Variants in CD47 observed in about 807,000 individuals in gnomAD.
The protein encoded by CD47 is leukocyte surface antigen CD47.
CD47 carries 11 observed loss-of-function variants against 44.6 expected under a neutral mutation model. That is an observed-to-expected ratio of 0.25 (90% CI 0.16 to 0.41). The LOEUF (loss-of-function observed/expected upper bound fraction) is 0.41, where lower values mean the gene tolerates loss of function less well. Ranked by LOEUF, CD47 falls within the 10% of genes least tolerant of loss-of-function variation. The pLI, the probability that CD47 is intolerant of heterozygous loss-of-function variation, is 1.00. For missense variants in CD47, 306 were observed against 386.7 expected (o/e 0.79, Z 1.75); for synonymous variants, 140 against 136.3 (o/e 1.03, Z -0.19).
chr3:108,074,147 C>A (rs530771155), intron 2 of CD47, among the ~76,000 whole-genome samples: 1 of 152,152 alleles, frequency 6.6e-6, no homozygotes, highest in Admixed American at 6.5e-5. Flanking sequence ...AGTAAAAAAT[C>A]TGAATCGCCA....
In CD47 at chr3:108,045,276, T is replaced by C. The variant is rs1340984920; in HGVS notation, c.*2012A>G. On this transcript the variant is annotated 3_prime_UTR_variant, in exon 11 of 11. Coordinates refer to ENST00000361309, the MANE Select transcript of CD47 (RefSeq NM_001777.4). ...CTTTAGTTTATAAAAAATTTTACTA[T>C]AAAGATTTTCATACCTTTTCTAATA... 1.3e-5 allele frequency: 2 copies of C among 152,662 alleles called. No homozygotes were observed. The highest frequency in any genetic ancestry group is 1.9e-4 in the East Asian group (1 of 5,200). 9.5% of individuals were successfully genotyped at this position (152,662 alleles called of 1,614,324 possible).
intron 6 of CD47, 105 bp downstream of exon 6, chr3:108,058,232 A>T: frequency 1.6e-6 from 1 of 638,692 alleles, no homozygotes; most frequent in Non-Finnish European, 2.5e-6. Flanking sequence ...CTAAAAAAAA[A>T]AATCAAGTCT....
rs544389798 is a variant in CD47 at position 108,045,037 on chromosome 3, C to T, written c.*2251G>A. 1 of 152,758 alleles carries T rather than the reference C, an allele frequency of 6.5e-6. No individual in the cohort carries two copies. Among genetic ancestry groups the T allele is most frequent in the South Asian group, 2.1e-4 (1 of 4,824 alleles). 9.5% of individuals were successfully genotyped at this position (152,758 alleles called of 1,614,324 possible). On this transcript the variant is annotated 3_prime_UTR_variant, in exon 11 of 11. Transcript: ENST00000361309. ...GCCCAATGATGCCCAAGCAGGAGGA[C>T]TCCTGCTTCTGTGGTCACTTATCCA... is the stretch of plus-strand genomic sequence containing the variant.
chr3:108,079,364 C>T (rs764530249), intron 2 of CD47, among the ~76,000 whole-genome samples: 14 of 151,752 alleles, frequency 9.2e-5, no homozygotes, highest in African/African-American at 1.7e-4. Flanking sequence ...ATGGTGCTAT[C>T]ATCAAGTCTG....
chr3:108,071,228 A>T, intron 2 of CD47, 46 bp from the exon 3 acceptor site: 2 of 884,980 alleles, frequency 2.3e-6, no homozygotes, highest in Non-Finnish European at 3.5e-6. Flanking sequence ...TTACTATAAC[A>T]CTTTAAATTC....
chr3:108,072,334 C>T (rs1009738076), intron 2 of CD47, among the ~76,000 whole-genome samples: 38 of 152,290 alleles, frequency 2.5e-4, no homozygotes, highest in African/African-American at 8.7e-4. Context: ...AATTTTCCAG[C>T]CTTTCACTCC....
chr3:108,060,939 A>T (rs1559995446), intron 3 of CD47, 87 bp from the exon 4 acceptor site: 1 of 808,868 alleles, frequency 1.2e-6, no homozygotes, highest in Non-Finnish European at 2.1e-6. Flanking sequence ...ACAAACTGAC[A>T]GAAGTACTAT....
chr3:108,064,017 G>C (rs1036038873), intron 3 of CD47, among the ~76,000 whole-genome samples: 1 of 152,080 alleles, frequency 6.6e-6, no homozygotes, highest in South Asian at 2.1e-4. Flanking sequence ...CCAAAAGCAG[G>C]CTACTTCTAA....
intron 9 of CD47, among the ~76,000 whole-genome samples, 191 bp downstream of exon 9, chr3:108,050,387 A>T (rs541315273): frequency 6.6e-6 from 1 of 152,318 alleles, no homozygotes; most frequent in East Asian, 1.9e-4. Flanking sequence ...AGGTGCCGGG[A>T]TCGCAAGCGT....
chr3:108,060,623 G>T (rs1368985134), intron 4 of CD47, 122 bp downstream of exon 4: 2 of 658,350 alleles, frequency 3.0e-6, no homozygotes, highest in Non-Finnish European at 2.7e-6. Flanking sequence ...AATTGCTATT[G>T]TTTAAGCCAC....
At chr3:108,085,296 G>C (rs1177064929) in intron 1 of CD47, among the ~76,000 whole-genome samples, 1 of 152,048 alleles carries the variant, frequency 6.6e-6, no homozygotes, top group African/African-American at 2.4e-5. Flanking sequence ...TTAAGGGGTC[G>C]ACCCTAGTTT....
At position 108,045,867 on chromosome 3, in the gene CD47, T is replaced by C. The variant is rs2078713763; in HGVS notation, c.*1421A>G. The C allele has an allele frequency of 6.6e-6, 1 of 152,236 alleles. No individual in the cohort carries two copies. Among genetic ancestry groups the C allele is most frequent in the South Asian group, 2.1e-4 (1 of 4,834 alleles). 9.4% of individuals were successfully genotyped at this position (152,236 alleles called of 1,614,324 possible). ...GTTTTAAAAGTTTTAAGTGATCAAA[T>C]ATTTGCATCAAATATAATTCCACCC... On this transcript the variant is annotated 3_prime_UTR_variant, in exon 11 of 11. Coordinates refer to ENST00000361309, the MANE Select transcript of CD47 (RefSeq NM_001777.4).
chr3:108,071,053 C>T lies in CD47; in HGVS notation c.490+40G>A, dbSNP rs149613508. The T allele has an allele frequency of 1.4e-3, 1,190 of 832,188 alleles. 10 individuals are homozygous for T. In the African/African-American group the frequency reaches 0.017, roughly 12 times the overall value. The allele number at this position is 832,188 out of a possible 1,614,324, so 51.6% of individuals were successfully genotyped here. ...CAATGTCTCGTAGAAATAACTATAT[C>T]ATCACTGAAACATAAATGAAAAGTA... is the stretch of plus-strand genomic sequence containing the variant. On this transcript the variant is annotated intron_variant, in intron 3 of 10. Transcript: ENST00000361309.
chr3:108,066,964 G>C (rs11715299), intron 3 of CD47, among the ~76,000 whole-genome samples: 14,943 of 152,178 alleles, frequency 0.098, 1,484 homozygotes, highest in East Asian at 0.55. Flanking sequence ...ATGACATTGA[G>C]AGTGCAAAGG....
At chr3:108,062,731 C>T (rs1273798964) in intron 3 of CD47, among the ~76,000 whole-genome samples, 2 of 151,442 alleles carry the variant, frequency 1.3e-5, no homozygotes, top group Admixed American at 1.3e-4. Flanking sequence ...CAAACTCTGC[C>T]TCCCAGGTTC....
intron 2 of CD47, among the ~76,000 whole-genome samples, chr3:108,076,360 A>G (rs1485037481): frequency 6.6e-6 from 1 of 152,226 alleles, no homozygotes; most frequent in East Asian, 1.9e-4. Context: ...CTAATAGCTT[A>G]GAGAAAAATA....
chr3:108,048,259 C>T (rs1474816204), intron 10 of CD47, among the ~76,000 whole-genome samples: 3 of 150,576 alleles, frequency 2.0e-5, no homozygotes, highest in Admixed American at 6.6e-5. Flanking sequence ...GCTTATATAA[C>T]AAGACATGCT....
rs1392933128 is a variant in CD47, at chr3:108,046,149, T to C, written c.*1139A>G. On this transcript the variant is annotated 3_prime_UTR_variant, in exon 11 of 11. Coordinates refer to ENST00000361309, the MANE Select transcript of CD47 (RefSeq NM_001777.4). ...GTGGGTTTTGTTTACTTTTCAATCA[T>C]AGGGGAAGGGGAGTACGAGGCAGGA... 6.6e-6 allele frequency: 1 copy of C among 152,574 alleles called. No homozygotes were observed. Among genetic ancestry groups the C allele is most frequent in the African/African-American group, 2.4e-5 (1 of 41,446 alleles). 9.5% of individuals were successfully genotyped at this position (152,574 alleles called of 1,614,324 possible).
intron 2 of CD47, among the ~76,000 whole-genome samples, chr3:108,072,358 C>T (rs903606186): frequency 6.6e-6 from 1 of 152,210 alleles, no homozygotes; most frequent in African/African-American, 2.4e-5. Flanking sequence ...ATGATAGCCA[C>T]ATATTTCTTG....
Sources: gnomAD v4.1 joint callset for allele counts (sites outside exome capture counted in the v4.1 genomes callset) on GRCh38, gnomAD v4.1.1 for gene constraint, MANE v1.5 for transcripts, NCBI Gene and HGNC (gene_info 2026-07-23, HGNC 2026-07-21) for gene names.